MACF1: variants seen among roughly 807,000 people sequenced by gnomAD.
MACF1 encodes the protein microtubule-actin cross-linking factor 1.
Under a neutral mutation model 854.8 loss-of-function variants are expected in MACF1, and 193 were observed. The observed-to-expected ratio is 0.23, with a 90% CI of 0.20 to 0.25. MACF1 has a LOEUF of 0.25. MACF1 is among the 10% of genes least tolerant of loss of function. The pLI, the probability that MACF1 is intolerant of heterozygous loss-of-function variation, is 1.00. For synonymous variants in MACF1, 3,185 were observed against 3,226.7 expected (o/e 0.99, Z 0.44); for missense variants, 7,722 against 8,929.1 (o/e 0.86, Z 5.45).
At chr1:39,477,045 G>GTATATATATA (rs745911075) in intron 97 of MACF1, among the ~76,000 whole-genome samples, 2 of 63,764 alleles carry the variant, frequency 3.1e-5, no homozygotes, top group Non-Finnish European at 5.8e-5. Context: ...TACACTTAGT[G>GTATATATATA]TATATATATA....
chr1:39,125,971 C>T lies in MACF1; in HGVS notation c.220+41533C>T, dbSNP rs146301073. On this transcript the variant is annotated intron_variant, in intron 2 of 93. Transcript: ENST00000361689. ...TTGCGCCACTGCACTCCATCCTGGG[C>T]GACAGCGCAAGACTCTGTCTCAAAC... is the stretch of plus-strand genomic sequence containing the variant. Among the ~76,000 whole-genome samples, 392 of 152,296 alleles carry T rather than the reference C, an allele frequency of 2.6e-3. 1 individual carries two copies. The highest frequency in any genetic ancestry group is 8.2e-3 in the African/African-American group (342 of 41,562).
At chr1:39,394,278 T>TTGATTG (rs1557628874) in intron 58 of MACF1, among the ~76,000 whole-genome samples, 1 of 123,444 alleles carries the variant, frequency 8.1e-6, no homozygotes, top group African/African-American at 4.1e-5. Context: ...TTGATTGATT[T>TTGATTG]ATTGCCACAT....
At chr1:39,384,552 C>G (rs1569828165) in intron 56 of MACF1, among the ~76,000 whole-genome samples, 1 of 152,082 alleles carries the variant, frequency 6.6e-6, no homozygotes, top group Non-Finnish European at 1.5e-5. Context: ...CAGTCTGACT[C>G]CACATCCTGT....
chr1:39,410,598 A>G (rs1642948892), intron 58 of MACF1: 1 of 1,614,088 alleles, frequency 6.2e-7, no homozygotes, highest in East Asian at 2.2e-5. Flanking sequence ...TGCAGAAGTC[A>G]GCACCTGTGC....
At chr1:39,196,685 C>T (rs913124542) in intron 2 of MACF1, among the ~76,000 whole-genome samples, 6 of 152,130 alleles carry the variant, frequency 3.9e-5, no homozygotes, top group Non-Finnish European at 5.9e-5. Flanking sequence ...TACGGTGTAA[C>T]GTAAATTTTT....
Position 39,251,854 on chromosome 1 carries a change from AG to A in MACF1, c.273del (p.Leu92Ter), listed in dbSNP as rs545793395. On this transcript the variant is annotated frameshift_variant, in exon 4 of 101. Transcript: ENST00000564288. LOFTEE classifies it high-confidence loss of function. ...VLSGIKLEPA[G>X]LKTLRLVSMP... ...TTGGTTGGTGGCCAAAGGAGCCAGC[AG>A]GGCTGAAGACCCTCCGTCTGGTGAG... 1.1e-4 allele frequency: 163 copies of A among 1,450,856 alleles called. No individual in the cohort carries two copies. The African/African-American group carries it at 1.7e-3, about 15-fold the overall frequency. 89.9% of individuals were successfully genotyped at this position (1,450,856 alleles called of 1,614,324 possible).
At chr1:39,461,033 G>C (rs186084304) in intron 92 of MACF1, among the ~76,000 whole-genome samples, 24 of 147,666 alleles carry the variant, frequency 1.6e-4, no homozygotes, top group Admixed American at 1.4e-3. Context: ...GCAGTAAGCT[G>C]TAATCGTGCC....
chr1:39,186,220 G>GTA (rs1557505293), intron 2 of MACF1, among the ~76,000 whole-genome samples: 3,150 of 97,158 alleles, frequency 0.032, 154 homozygotes, highest in African/African-American at 0.13. Flanking sequence ...CTCTCTGTGT[G>GTA]TGTGTGTGTG....
intron 6 of MACF1, among the ~76,000 whole-genome samples, chr1:39,267,406 A>G (rs1296129132): frequency 1.3e-5 from 2 of 151,980 alleles, no homozygotes; most frequent in East Asian, 1.9e-4. Flanking sequence ...AATTTTTTGT[A>G]TTTTAGTAGA....
At chr1:39,143,539 G>A (rs1557479850) in intron 2 of MACF1, among the ~76,000 whole-genome samples, 1 of 152,132 alleles carries the variant, frequency 6.6e-6, no homozygotes, top group African/African-American at 2.4e-5. Context: ...TGCAGTGAAA[G>A]GAAGTAAACT....
chr1:39,360,674 A>G, intron 47 of MACF1, 119 bp from the exon 48 acceptor site: 2 of 254,288 alleles, frequency 7.9e-6, no homozygotes, highest in Non-Finnish European at 1.3e-5. Context: ...ACATCCATAT[A>G]ATAATAATAA....
chr1:39,337,427 C>T, intron 38 of MACF1, 96 bp downstream of exon 38: 3 of 1,276,594 alleles, frequency 2.3e-6, no homozygotes, highest in Non-Finnish European at 3.3e-6. Flanking sequence ...CCTGCTTGCA[C>T]TCTATTCTAG....
In MACF1 at chr1:39,246,461, T is replaced by C. The variant is rs552903533; in HGVS notation, c.172-3553T>C. ...TATTTCTGTTAATGGTCCACTACTG[T>C]TGTTCCACACTGCAAACTTGAAACC... On this transcript the variant is annotated intron_variant, in intron 2 of 100. Coordinates refer to ENST00000564288, the MANE Select transcript of MACF1 (RefSeq NM_001394062.1). Among the ~76,000 whole-genome samples, 62 of 152,362 alleles carry C rather than the reference T, an allele frequency of 4.1e-4. 1 individual carries two copies. Among genetic ancestry groups the C allele is most frequent in the Non-Finnish European group, 3.1e-4 (21 of 68,036 alleles).
Position 39,219,855 on chromosome 1 carries a change from G to A in MACF1, c.110-11327G>A, listed in dbSNP as rs189113318. Among the ~76,000 whole-genome samples, 14 of 152,116 alleles carry A rather than the reference G, an allele frequency of 9.2e-5. No homozygotes were observed. In the South Asian group the frequency reaches 2.9e-3, roughly 32 times the overall value. On this transcript the variant is annotated intron_variant, in intron 1 of 100. Transcript: ENST00000564288. The stretch of plus-strand genomic sequence containing the variant: ...AACCTCTGCCGCCCGGGTCCAAGCA[G>A]TTTTCCTGCCTCAGCCTCCCGAGTA...
intron 6 of MACF1, among the ~76,000 whole-genome samples, chr1:39,274,943 A>T (rs533815112): frequency 1.3e-5 from 2 of 152,240 alleles, no homozygotes; most frequent in Non-Finnish European, 2.9e-5. Context: ...TAAGAAAAAG[A>T]CAAACACCCT....
At chr1:39,228,460 A>T (rs541744888) in intron 1 of MACF1, among the ~76,000 whole-genome samples, 1 of 152,320 alleles carries the variant, frequency 6.6e-6, no homozygotes, top group Non-Finnish European at 1.5e-5. Flanking sequence ...CTATAGTTGG[A>T]AGCTGATTCT....
At chr1:39,378,813 A>G (rs536624293) in intron 53 of MACF1, among the ~76,000 whole-genome samples, 1 of 152,376 alleles carries the variant, frequency 6.6e-6, no homozygotes, top group African/African-American at 2.4e-5. Context: ...TAAAGAAGTT[A>G]TACTAGAGAT....
At chr1:39,482,791 CAA>C (rs1192268809) in intron 99 of MACF1, among the ~76,000 whole-genome samples, 1,005 of 74,784 alleles carry the variant, frequency 0.013, 3 homozygotes, top group African/African-American at 0.027. Context: ...GAGACTGCCT[CAA>C]AAAAAAAAAA....
intron 1 of MACF1, among the ~76,000 whole-genome samples, chr1:39,225,523 A>T (rs1224425103): frequency 6.6e-6 from 1 of 152,058 alleles, no homozygotes; most frequent in Non-Finnish European, 1.5e-5. Flanking sequence ...GCCATAGCAA[A>T]TTTTTCTAAT....
Sources: gnomAD v4.1 joint callset for allele counts (sites outside exome capture counted in the v4.1 genomes callset) on GRCh38, gnomAD v4.1.1 for gene constraint, MANE v1.5 for transcripts, NCBI Gene and HGNC (gene_info 2026-07-23, HGNC 2026-07-21) for gene names.